The following EPB41L5 variants were observed in gnomAD, a reference collection of about 807,000 sequenced individuals.
EPB41L5 encodes band 4.1-like protein 5.
EPB41L5 carries 55 observed loss-of-function variants against 106.6 expected under a neutral mutation model. The ratio of observed to expected loss-of-function variants is 0.52; its 90% CI spans 0.42 to 0.65. EPB41L5 has a LOEUF of 0.65. Among genes scored for constraint, EPB41L5 ranks in the 30% least tolerant of loss-of-function variants. The pLI is 0.00. For synonymous variants in EPB41L5, 297 were observed against 306.7 expected (o/e 0.97, Z 0.33); for missense variants, 871 against 882.1 (o/e 0.99, Z 0.16).
intron 23 of EPB41L5, 54 bp from the exon 24 acceptor site, chr2:120,167,823 C>A: frequency 6.2e-7 from 1 of 1,605,234 alleles, no homozygotes; most frequent in Non-Finnish European, 8.5e-7. Flanking sequence ...AGCTGAAGTG[C>A]TGACCAGGCA....
intron 5 of EPB41L5, 84 bp from the exon 6 acceptor site, chr2:120,075,392 A>G: frequency 1.0e-6 from 1 of 999,052 alleles, no homozygotes; most frequent in Non-Finnish European, 1.6e-6. Flanking sequence ...TAATGAAATA[A>G]TACTTCTCAA....
chr2:120,130,543 G>T (rs1217106404), intron 17 of EPB41L5, among the ~76,000 whole-genome samples: 2 of 152,214 alleles, frequency 1.3e-5, no homozygotes, highest in African/African-American at 4.8e-5. Context: ...TCAGGATGGA[G>T]TAATTTGAAG....
intron 3 of EPB41L5, among the ~76,000 whole-genome samples, chr2:120,051,716 T>C (rs1319274034): frequency 6.6e-6 from 1 of 152,176 alleles, no homozygotes; most frequent in Non-Finnish European, 1.5e-5. Context: ...CAAGCCCCAG[T>C]GAGATGAACC....
rs552377966 is a variant in EPB41L5 at position 120,176,552 on chromosome 2, G to A, written c.*1645G>A. On this transcript the variant is annotated 3_prime_UTR_variant, in exon 25 of 25. Coordinates refer to ENST00000263713, the MANE Select transcript of EPB41L5 (RefSeq NM_020909.4). ...CACAAAACATTTTTGCAGAAGGAAA[G>A]TCAACACTTCTTGCTGGCTGCCTCC... 1.4e-4 allele frequency: 22 copies of A among 152,318 alleles called. No homozygotes were observed. The highest frequency in any genetic ancestry group is 4.1e-4 in the African/African-American group (17 of 41,570). The allele number at this position is 152,318 out of a possible 1,614,324, so 9.4% of individuals were successfully genotyped here. A position where few individuals can be genotyped will look rare whatever the true frequency, so the allele number is the denominator to read the frequency against.
intron 24 of EPB41L5, among the ~76,000 whole-genome samples, chr2:120,171,871 G>T (rs1210574608): frequency 6.6e-6 from 1 of 151,942 alleles, no homozygotes; most frequent in Non-Finnish European, 1.5e-5. Context: ...GAAAAACAAG[G>T]AAATAAAGGC....
At chr2:120,096,879 T>A (rs1683793734) in intron 14 of EPB41L5, among the ~76,000 whole-genome samples, 1 of 152,246 alleles carries the variant, frequency 6.6e-6, no homozygotes. Flanking sequence ...TATTATGTCT[T>A]GCTTTCCTGA....
At chr2:120,024,719 A>G (rs1678190959) in intron 2 of EPB41L5, among the ~76,000 whole-genome samples, 1 of 152,140 alleles carries the variant, frequency 6.6e-6, no homozygotes, top group Admixed American at 6.5e-5. Flanking sequence ...TCGGCCTCCC[A>G]AAGTGCTGGA....
At chr2:120,024,582 G>A (rs567345049) in intron 2 of EPB41L5, among the ~76,000 whole-genome samples, 7 of 152,006 alleles carry the variant, frequency 4.6e-5, no homozygotes, top group African/African-American at 1.2e-4. Context: ...TCAGCCTCCC[G>A]AGTAGCTGGG....
At chr2:120,035,052 A>G (rs1166967319) in intron 2 of EPB41L5, among the ~76,000 whole-genome samples, 1 of 152,090 alleles carries the variant, frequency 6.6e-6, no homozygotes. Flanking sequence ...ACAGTTGGGA[A>G]TTTTGCATTT....
At chr2:120,110,889 GCC>G (rs1558883828) in intron 16 of EPB41L5, among the ~76,000 whole-genome samples, 1 of 152,020 alleles carries the variant, frequency 6.6e-6, no homozygotes, top group Non-Finnish European at 1.5e-5. Context: ...TGATCTGCCC[GCC>G]TTGGCCTCCC....
intron 3 of EPB41L5, among the ~76,000 whole-genome samples, chr2:120,051,235 T>C (rs1444121481): frequency 1.3e-5 from 2 of 152,220 alleles, no homozygotes; most frequent in East Asian, 1.9e-4. Flanking sequence ...TTTATTCGGC[T>C]ATGCCCTGCC....
At chr2:120,131,571 A>G (rs757039524) in intron 17 of EPB41L5, 47 bp from the exon 18 acceptor site, 5 of 1,379,534 alleles carry the variant, frequency 3.6e-6, no homozygotes, top group Admixed American at 1.7e-5. Context: ...GCTAGCTGTG[A>G]CAGCCTGGCA....
chr2:120,047,311 T>G lies in EPB41L5; in HGVS notation c.285+5201T>G, dbSNP rs1679857241. Among the ~76,000 whole-genome samples, 3 of 152,196 alleles carry G rather than the reference T, an allele frequency of 2.0e-5. No homozygotes were observed. In the South Asian group the frequency reaches 6.2e-4, roughly 32 times the overall value. ...TCCATGAGCATGGAATGTTCCTCCATTTGTTTGTGTCCTCTTTTATTTTGT... is the reference window on the plus strand; with the variant it reads ...TCCATGAGCATGGAATGTTCCTCCAGTTGTTTGTGTCCTCTTTTATTTTGT... On this transcript the variant is annotated intron_variant, in intron 3 of 24. Transcript: ENST00000263713.
At chr2:120,151,055 G>A (rs1220901175) in intron 20 of EPB41L5, among the ~76,000 whole-genome samples, 5 of 152,102 alleles carry the variant, frequency 3.3e-5, no homozygotes, top group Non-Finnish European at 5.9e-5. Flanking sequence ...GGGCATGGTG[G>A]CTTATGCCTG....
intron 10 of EPB41L5, among the ~76,000 whole-genome samples, chr2:120,081,814 A>G (rs1682690100): frequency 6.6e-6 from 1 of 152,128 alleles, no homozygotes; most frequent in Non-Finnish European, 1.5e-5. Flanking sequence ...CTCCTTGAAG[A>G]GGTCCTTCAC....
intron 3 of EPB41L5, among the ~76,000 whole-genome samples, chr2:120,063,346 A>G (rs1332348685): frequency 2.0e-5 from 3 of 151,660 alleles, no homozygotes; most frequent in Non-Finnish European, 4.4e-5. Flanking sequence ...GTCTCAAAAA[A>G]AAAAAAAAAA....
At chr2:120,143,491 G>A (rs1686272428) in intron 19 of EPB41L5, among the ~76,000 whole-genome samples, 1 of 152,172 alleles carries the variant, frequency 6.6e-6, no homozygotes, top group Admixed American at 6.5e-5. Flanking sequence ...GGTACAAGGT[G>A]AAGAGTTGGC....
intron 21 of EPB41L5, 49 bp downstream of exon 21, chr2:120,161,023 T>C (rs1318977034): frequency 4.4e-6 from 6 of 1,360,132 alleles, no homozygotes; most frequent in Admixed American, 3.4e-5. Flanking sequence ...CAGTTTTGAA[T>C]TGAATCTTGC....
chr2:120,052,536 G>A (rs1213737503), intron 3 of EPB41L5, among the ~76,000 whole-genome samples: 1 of 152,038 alleles, frequency 6.6e-6, no homozygotes, highest in Non-Finnish European at 1.5e-5. Context: ...ATTTATTTAT[G>A]AACTAATAGA....
Sources: allele counts gnomAD v4.1 joint callset (sites outside exome capture counted in the v4.1 genomes callset), GRCh38; gene constraint gnomAD v4.1.1; transcripts MANE v1.5; gene names NCBI Gene and HGNC (gene_info 2026-07-23, HGNC 2026-07-21).